The following ARFIP1 variants were observed in gnomAD, a reference collection of about 807,000 sequenced individuals.
ARFIP1 encodes the protein ARF interacting protein 1.
ARFIP1 carries 24 observed loss-of-function variants against 42.5 expected under a neutral mutation model. That is an observed-to-expected ratio of 0.57 (90% CI 0.41 to 0.80). The LOEUF is 0.80. ARFIP1 is among the 30% of genes least tolerant of loss of function. The pLI, the probability that ARFIP1 is intolerant of heterozygous loss-of-function variation, is 0.00. For missense variants in ARFIP1, 354 were observed against 434.0 expected, an observed-to-expected ratio of 0.82 and a Z score of 1.64; for synonymous variants, 141 against 153.7, an observed-to-expected ratio of 0.92 and a Z score of 0.61.
chr4:152,867,024 G>A (rs1346262688), intron 3 of ARFIP1, among the ~76,000 whole-genome samples: 3 of 150,952 alleles, frequency 2.0e-5, no homozygotes, highest in Non-Finnish European at 4.4e-5. Flanking sequence ...GGGCAGCCAG[G>A]CAGAGGGGCT....
intron 2 of ARFIP1, among the ~76,000 whole-genome samples, chr4:152,836,773 A>C (rs1275614277): frequency 2.6e-5 from 4 of 152,116 alleles, no homozygotes; most frequent in Admixed American, 2.0e-4. Context: ...TAGAATAAAA[A>C]GTTTTATTTT....
At chr4:152,898,175 G>A (rs559454486) in intron 8 of ARFIP1, among the ~76,000 whole-genome samples, 3 of 151,720 alleles carry the variant, frequency 2.0e-5, no homozygotes, top group African/African-American at 7.2e-5. Flanking sequence ...GTAGAGATGG[G>A]GTTTCACCAT....
At chr4:152,789,304 G>A (rs1348594231) in intron 1 of ARFIP1, among the ~76,000 whole-genome samples, 3 of 151,382 alleles carry the variant, frequency 2.0e-5, no homozygotes, top group Admixed American at 2.0e-4. Flanking sequence ...TGGCCAGGCT[G>A]GTCTTGAACT....
chr4:152,905,674 T>C (rs1738297163), intron 8 of ARFIP1, among the ~76,000 whole-genome samples: 1 of 146,516 alleles, frequency 6.8e-6, no homozygotes, highest in Non-Finnish European at 1.5e-5. Flanking sequence ...TGCCTCAGCC[T>C]CCCAAGTAGC....
rs186697933 is a variant in ARFIP1 at position 152,897,351 on chromosome 4, G to A, written c.966+9044G>A. On this transcript the variant is annotated intron_variant, in intron 8 of 8. Coordinates refer to ENST00000353617, the MANE Select transcript of ARFIP1 (RefSeq NM_001025595.3). ...TTTTACCAGTTATGCTAAGATTCCG[G>A]CATGACAATTTTTGTAAGGGAGGGA... 3.6e-4 allele frequency among the ~76,000 whole-genome samples: 55 copies of A among 152,072 alleles called. 1 individual carries two copies. Among genetic ancestry groups the A allele is most frequent in the South Asian group, 3.1e-3 (15 of 4,810 alleles).
intron 2 of ARFIP1, among the ~76,000 whole-genome samples, chr4:152,856,838 C>G (rs975129906): frequency 6.6e-5 from 10 of 152,076 alleles, no homozygotes; most frequent in African/African-American, 2.4e-4. Flanking sequence ...GGAAGCCATT[C>G]CAAAAATAGT....
chr4:152,872,600 T>TTTCCAC, intron 5 of ARFIP1, 36 bp downstream of exon 5: 3 of 1,252,784 alleles, frequency 2.4e-6, no homozygotes, highest in African/African-American at 3.1e-5. Flanking sequence ...CCTAAATGGC[T>TTTCCAC]CTAAAAAAGT....
At chr4:152,834,675 TG>T (rs1731513004) in intron 2 of ARFIP1, among the ~76,000 whole-genome samples, 1 of 152,244 alleles carries the variant, frequency 6.6e-6, no homozygotes, top group Admixed American at 6.5e-5. Context: ...CCAGCCTCCA[TG>T]GCTGCTCTCA....
rs751549840 is a variant in ARFIP1, at chr4:152,814,394, A to G, written c.-9-15231A>G. 5.3e-5 allele frequency among the ~76,000 whole-genome samples: 8 copies of G among 152,144 alleles called. No homozygotes were observed. The East Asian group carries it at 1.5e-3, about 29-fold the overall frequency. ...TAGATATGAGCCACCACTCCTAGCC[A>G]GTTTCTGTCTTTCATCACTTTAAAA... is the stretch of plus-strand genomic sequence containing the variant. On this transcript the variant is annotated intron_variant, in intron 1 of 8. Transcript: ENST00000353617.
At chr4:152,819,915 T>A (rs1293019935) in intron 1 of ARFIP1, among the ~76,000 whole-genome samples, 1 of 152,080 alleles carries the variant, frequency 6.6e-6, no homozygotes, top group Non-Finnish European at 1.5e-5. Context: ...TCTGGAACAT[T>A]TCAGGGTGAC....
chr4:152,819,894 T>A (rs1406584393), intron 1 of ARFIP1, among the ~76,000 whole-genome samples: 1 of 152,188 alleles, frequency 6.6e-6, no homozygotes, highest in Non-Finnish European at 1.5e-5. Flanking sequence ...GGTGCCTCTT[T>A]AGACAGCATT....
chr4:152,855,227 G>A (rs555219535), intron 2 of ARFIP1, among the ~76,000 whole-genome samples: 15 of 152,130 alleles, frequency 9.9e-5, no homozygotes, highest in Non-Finnish European at 2.1e-4. Flanking sequence ...CAGTGGTAGT[G>A]GACTGGGCTG....
chr4:152,794,244 A>G (rs1731298695), intron 1 of ARFIP1, among the ~76,000 whole-genome samples: 1 of 152,216 alleles, frequency 6.6e-6, no homozygotes, highest in Non-Finnish European at 1.5e-5. Context: ...GGTCCTATAT[A>G]GGAACTCACA....
chr4:152,817,508 T>G (rs1473508797), intron 1 of ARFIP1, among the ~76,000 whole-genome samples: 2 of 152,120 alleles, frequency 1.3e-5, no homozygotes, highest in African/African-American at 4.8e-5. Flanking sequence ...TATAAAAGTC[T>G]TAGGAGAAAA....
At chr4:152,818,831 G>A (rs1294669786) in intron 1 of ARFIP1, among the ~76,000 whole-genome samples, 2 of 152,168 alleles carry the variant, frequency 1.3e-5, no homozygotes, top group African/African-American at 4.8e-5. Flanking sequence ...TAGGAGCTGA[G>A]TGGGACTTAG....
In ARFIP1 at chr4:152,841,674, T is replaced by C. The variant is rs149553134; in HGVS notation, c.93+11948T>C. Among the ~76,000 whole-genome samples, 68 of 152,302 alleles carry C rather than the reference T, an allele frequency of 4.5e-4. No individual in the cohort carries two copies. In the East Asian group the frequency reaches 0.012, roughly 27 times the overall value. ...CTTAGTTTCACTGGATACAAAATTA[T>C]TGGCTGATAATTGTTTTGCTTGAGG... On this transcript the variant is annotated intron_variant, in intron 2 of 8. Transcript: ENST00000353617.
intron 3 of ARFIP1, among the ~76,000 whole-genome samples, chr4:152,866,344 C>A (rs1055096589): frequency 6.6e-6 from 1 of 152,232 alleles, no homozygotes; most frequent in Non-Finnish European, 1.5e-5. Flanking sequence ...TCCACAAAAC[C>A]GCCATTGTCA....
chr4:152,804,192 A>AAG (rs1728718815), intron 1 of ARFIP1, among the ~76,000 whole-genome samples: 1 of 115,632 alleles, frequency 8.6e-6, no homozygotes, highest in Non-Finnish European at 1.7e-5. Context: ...TATTATATAT[A>AAG]ATATAACATG....
At chr4:152,880,177 A>T (rs1375615805) in intron 5 of ARFIP1, among the ~76,000 whole-genome samples, 1 of 152,072 alleles carries the variant, frequency 6.6e-6, no homozygotes, top group Non-Finnish European at 1.5e-5. Context: ...CCCCATCTCT[A>T]CTAAAAATAC....
Sources: gnomAD v4.1 joint callset for allele counts (sites outside exome capture counted in the v4.1 genomes callset) on GRCh38, gnomAD v4.1.1 for gene constraint, MANE v1.5 for transcripts, NCBI Gene and HGNC (gene_info 2026-07-23, HGNC 2026-07-21) for gene names.